The following PDE10A variants were observed in gnomAD, a reference collection of about 807,000 sequenced individuals.
PDE10A encodes cAMP and cAMP-inhibited cGMP 3',5'-cyclic phosphodiesterase 10A.
In PDE10A, 39 loss-of-function variants were observed where a neutral mutation model predicts 97.7. The observed-to-expected ratio is 0.40, with a 90% CI of 0.31 to 0.52. The LOEUF is 0.52. Among genes scored for constraint, PDE10A ranks in the 20% least tolerant of loss-of-function variants. The pLI is 0.56. For missense variants in PDE10A, 731 were observed against 1,047.8 expected (o/e 0.70, Z 4.17); for synonymous variants, 371 against 376.8 (o/e 0.98, Z 0.18).
intron 1 of PDE10A, among the ~76,000 whole-genome samples, chr6:165,831,373 A>C: frequency 1.1e-5 from 1 of 88,592 alleles, no homozygotes; most frequent in Non-Finnish European, 2.5e-5. Context: ...CTCTGTCTCA[A>C]AAAAAAAAAA....
At chr6:165,464,231 G>A (rs180867260) in intron 3 of PDE10A, among the ~76,000 whole-genome samples, 1 of 152,176 alleles carries the variant, frequency 6.6e-6, no homozygotes, top group Admixed American at 6.5e-5. Flanking sequence ...TGTGTAAGCT[G>A]ATAATTGTCA....
At chr6:165,374,017 G>T (rs1401007624) in intron 18 of PDE10A, among the ~76,000 whole-genome samples, 1 of 145,320 alleles carries the variant, frequency 6.9e-6, no homozygotes, top group Non-Finnish European at 1.5e-5. Flanking sequence ...ACTCATAGAT[G>T]GGAATTGAAC....
rs115982941 is a variant in PDE10A, at chr6:165,897,815, A to G, written c.-615+89714T>C. ...AATGGCTTTCTGGTACATCCCCAGA[A>G]GCCTCACAGTAGCTACTGGAGGGCT... On this transcript the variant is annotated intron_variant, in intron 1 of 19. Coordinates refer to the PDE10A transcript ENST00000366882. Among the ~76,000 whole-genome samples the G allele has an allele frequency of 2.4e-3, 372 of 152,136 alleles. 2 individuals carry two copies. The highest frequency in any genetic ancestry group is 8.7e-3 in the African/African-American group (359 of 41,490).
chr6:165,638,521 G>A (rs1033598238), intron 1 of PDE10A, among the ~76,000 whole-genome samples: 1 of 152,174 alleles, frequency 6.6e-6, no homozygotes, highest in Admixed American at 6.5e-5. Context: ...ACACATTCCT[G>A]TCTTCAGACC....
At chr6:165,867,077 T>G (rs1247933890) in intron 1 of PDE10A, among the ~76,000 whole-genome samples, 3 of 151,620 alleles carry the variant, frequency 2.0e-5, no homozygotes, top group Non-Finnish European at 4.4e-5. Context: ...CCCACCAAAT[T>G]ATAAAGGTAA....
intron 1 of PDE10A, among the ~76,000 whole-genome samples, chr6:165,682,427 C>T (rs1237891799): frequency 1.3e-5 from 2 of 152,180 alleles, no homozygotes; most frequent in South Asian, 2.1e-4. Context: ...AGCCGTTGTG[C>T]CCAGCCCCAA....
At chr6:165,566,549 C>T (rs745651998) in intron 1 of PDE10A, among the ~76,000 whole-genome samples, 2 of 152,082 alleles carry the variant, frequency 1.3e-5, no homozygotes, top group Admixed American at 6.6e-5. Flanking sequence ...TGGAAATGAA[C>T]GCCAGAAAAC....
intron 1 of PDE10A, among the ~76,000 whole-genome samples, chr6:165,599,665 AT>A (rs1786816946): frequency 6.6e-6 from 1 of 152,176 alleles, no homozygotes; most frequent in South Asian, 2.1e-4. Flanking sequence ...TTTAATAAAT[AT>A]TTTTGTTATT....
At chr6:165,539,675 G>C (rs75733005) in intron 2 of PDE10A, among the ~76,000 whole-genome samples, 1 of 152,118 alleles carries the variant, frequency 6.6e-6, no homozygotes, top group Middle Eastern at 3.2e-3. Flanking sequence ...CAAGCCCAGC[G>C]CTCCGGGAGG....
intron 2 of PDE10A, among the ~76,000 whole-genome samples, chr6:165,512,397 ATT>A (rs967173390): frequency 1.4e-4 from 21 of 151,862 alleles, no homozygotes; most frequent in Admixed American, 4.6e-4. Context: ...ATAAATTATT[ATT>A]TATTAATAGT....
intron 1 of PDE10A, among the ~76,000 whole-genome samples, chr6:165,935,321 C>A (rs759267521): frequency 1.1e-4 from 17 of 152,074 alleles, no homozygotes; most frequent in Admixed American, 5.2e-4. Context: ...TGCAAAGGCA[C>A]AGAGATAATC....
intron 1 of PDE10A, among the ~76,000 whole-genome samples, chr6:165,676,467 T>G (rs1344216762): frequency 6.6e-6 from 1 of 151,708 alleles, no homozygotes; most frequent in African/African-American, 2.4e-5. Flanking sequence ...GAGGAAGAGG[T>G]GGGTCAGGGT....
chr6:165,825,010 A>G (rs1450627301), intron 1 of PDE10A, among the ~76,000 whole-genome samples: 8 of 148,882 alleles, frequency 5.4e-5, no homozygotes, highest in South Asian at 4.3e-4. Flanking sequence ...TTAGCTGGGC[A>G]TGGTGGCAGT....
At chr6:165,846,632 C>T (rs74750167) in intron 1 of PDE10A, among the ~76,000 whole-genome samples, 5,346 of 152,310 alleles carry the variant, frequency 0.035, 124 homozygotes, top group South Asian at 0.083. Flanking sequence ...GAAGGCCAGA[C>T]AATCCTCTGA....
At chr6:165,384,616 G>C (rs1163905090) in intron 17 of PDE10A, among the ~76,000 whole-genome samples, 1 of 137,182 alleles carries the variant, frequency 7.3e-6, no homozygotes, top group African/African-American at 2.8e-5. Context: ...TAACGTGTGT[G>C]TGTATGTGTG....
chr6:165,663,272 GCCGC>G (rs541296721), upstream of PDE10A, among the ~76,000 whole-genome samples: 14 of 150,858 alleles, frequency 9.3e-5, no homozygotes, highest in South Asian at 2.2e-3. Flanking sequence ...CGCCGCCGCC[GCCGC>G]CGCCGCCTTC....
rs576668997 is a variant in PDE10A at position 165,683,806 on chromosome 6, C to T, written c.-614-140238G>A. On this transcript the variant is annotated intron_variant, in intron 1 of 19. Coordinates refer to the PDE10A transcript ENST00000366882. ...GTCACCGATTGAAAATGTCACTCAT[C>T]AAGCTTTTCATTATGTTTCTGTTGC... Among the ~76,000 whole-genome samples the T allele has an allele frequency of 2.0e-5, 3 of 152,254 alleles. No homozygotes were observed. The East Asian group carries it at 5.8e-4, about 29-fold the overall frequency.
rs1790352779 is a variant in PDE10A, at chr6:165,662,754, C to G, written c.58G>C (p.Gly20Arg). Residue 20 changes from glycine (G) to arginine (R), a missense_variant, in exon 1 of 22, where the codon GGG (glycine) becomes CGG (arginine). Gly to Arg is a moderately radical substitution (Grantham distance 125). Around this residue, in one of 8 missense-constraint regions of PDE10A, gnomAD observed 181 missense variants for 159.1 expected, o/e 1.14. Transcript: ENST00000539869. ...CCGGGGCCGCAGCCCGGCTCGTCCCCGGCCGCTGGCAGGGGACCCTGGGGG... is the reference window on the plus strand; with the variant it reads ...CCGGGGCCGCAGCCCGGCTCGTCCCGGGCCGCTGGCAGGGGACCCTGGGGG... ...PRPQGPLPAA[G>R]DEPGCGPGKL... Among the ~76,000 whole-genome samples the G allele has an allele frequency of 6.8e-6, 1 of 147,826 alleles. No homozygotes were observed. The highest frequency in any genetic ancestry group is 1.5e-5 in the Non-Finnish European group (1 of 66,414).
intron 18 of PDE10A, among the ~76,000 whole-genome samples, chr6:165,369,546 T>A (rs912321721): frequency 1.4e-5 from 2 of 145,860 alleles, no homozygotes; most frequent in African/African-American, 5.3e-5. Context: ...TAAAAAGGAA[T>A]GAGCAAAGCC....
Sources: gnomAD v4.1 joint callset for allele counts (sites outside exome capture counted in the v4.1 genomes callset) on GRCh38, gnomAD v4.1.1 for gene constraint, gnomAD v4.1.1 regional missense constraint, MANE v1.5 for transcripts, NCBI Gene and HGNC (gene_info 2026-07-23, HGNC 2026-07-21) for gene names.